The following NVL variants were observed in gnomAD, a reference collection of about 807,000 sequenced individuals.
NVL encodes nuclear valosin-containing protein-like.
NVL carries 84 observed loss-of-function variants against 110.2 expected under a neutral mutation model. The observed-to-expected ratio is 0.76, with a 90% CI of 0.64 to 0.91. The LOEUF (loss-of-function observed/expected upper bound fraction) is 0.91, where lower values mean the gene tolerates loss of function less well. Among genes scored for constraint, NVL ranks in the 40% least tolerant of loss-of-function variants. The pLI is 0.00. For synonymous variants in NVL, 354 were observed against 361.1 expected (o/e 0.98, Z 0.22); for missense variants, 882 against 1,035.9 (o/e 0.85, Z 2.04).
rs775411063 is a variant in NVL, at chr1:224,237,730, C to CTTTTTTTTT, written c.2290-1157_2290-1149dup. Among the ~76,000 whole-genome samples the CTTTTTTTTT allele has an allele frequency of 7.2e-4, 94 of 130,056 alleles. 3 individuals carry two copies. The highest frequency in any genetic ancestry group is 2.2e-3 in the East Asian group (10 of 4,534). 85.3% of individuals were successfully genotyped at this position (130,056 alleles called of 152,430 possible). The stretch of plus-strand genomic sequence containing the variant: ...AACTACATGCCACCATGCCTGGCTA[C>CTTTTTTTTT]TTTTTTTTTTTTTTGAGACAGTCTC... On this transcript the variant is annotated intron_variant, in intron 19 of 22. Transcript: ENST00000281701.
chr1:224,303,296 G>A (rs1395764992), intron 9 of NVL, among the ~76,000 whole-genome samples: 18 of 152,132 alleles, frequency 1.2e-4, no homozygotes, highest in Admixed American at 6.6e-4. Flanking sequence ...TCAGCCGGGC[G>A]TGGTGGCGTA....
intron 15 of NVL, among the ~76,000 whole-genome samples, chr1:224,283,901 T>A (rs557389660): frequency 1.3e-5 from 2 of 152,236 alleles, no homozygotes; most frequent in Non-Finnish European, 2.9e-5. Context: ...ATTAGTAGTA[T>A]AAATAAAAGT....
intron 12 of NVL, among the ~76,000 whole-genome samples, chr1:224,292,854 G>A (rs748585800): frequency 3.3e-5 from 5 of 151,610 alleles, no homozygotes; most frequent in African/African-American, 7.3e-5. Context: ...AGGTTCAAGC[G>A]ATTCCCCTAC....
rs1189605352 is a variant in NVL at position 224,275,355 on chromosome 1, C to T, written c.2066G>A (p.Arg689Gln). ...FFDEVDALCPRRSDRETGASV... is the reference protein window; with the variant it reads ...FFDEVDALCPQRSDRETGASV... ...GATACTTACCTCTCGGTCTGATCTT[C>T]GAGGACATAAAGCATCCACTTCATC... The change falls in exon 17 of 23, where the codon CGA becomes CAA. Residue 689 changes from arginine (R) to glutamine (Q), a missense_variant. This residue lies in a region of NVL where 66 missense variants were observed against 127.5 expected (regional missense o/e 0.52). Coordinates refer to ENST00000281701, the MANE Select transcript of NVL (RefSeq NM_002533.4). 6 of 1,614,014 alleles carry T rather than the reference C, an allele frequency of 3.7e-6. No homozygotes were observed. Among genetic ancestry groups the T allele is most frequent in the African/African-American group, 2.7e-5 (2 of 74,920 alleles).
In NVL at chr1:224,275,386, A is replaced by G. The variant is rs1167706235; in HGVS notation, c.2035T>C (p.Phe679Leu). 3 of 1,614,206 alleles carry G rather than the reference A, an allele frequency of 1.9e-6. No homozygotes were observed. In the African/African-American group the frequency reaches 4.0e-5, roughly 22 times the overall value. ...RAKNSAPCVI[F>L]FDEVDALCPR... ...CATAAAGCATCCACTTCATCAAAGAATATCACACAGGGTGCTGAGTTCTTG... is the reference window on the plus strand; with the variant it reads ...CATAAAGCATCCACTTCATCAAAGAGTATCACACAGGGTGCTGAGTTCTTG... Residue 679 changes from phenylalanine to leucine, a missense_variant, in exon 17 of 23, where the codon TTC becomes CTC. Phe to Leu is a conservative substitution (Grantham distance 22). Coordinates refer to ENST00000281701, the MANE Select transcript of NVL (RefSeq NM_002533.4).
At chr1:224,231,162 A>T in intron 22 of NVL, 64 bp downstream of exon 22, 79 of 939,008 alleles carry the variant, frequency 8.4e-5, no homozygotes, top group Non-Finnish European at 1.1e-4. Flanking sequence ...TTAATTCATG[A>T]GGTCATATCT....
chr1:224,256,648 T>G (rs566614315), intron 18 of NVL, among the ~76,000 whole-genome samples: 4 of 152,302 alleles, frequency 2.6e-5, no homozygotes, highest in South Asian at 4.1e-4. Flanking sequence ...TTCTGGACAC[T>G]TTATATAAAT....
chr1:224,311,746 C>T, intron 5 of NVL, 54 bp downstream of exon 5: 1 of 1,356,316 alleles, frequency 7.4e-7, no homozygotes, highest in Non-Finnish European at 1.1e-6. Flanking sequence ...AGGGAGGTAC[C>T]ATAACAACTA....
intron 17 of NVL, among the ~76,000 whole-genome samples, chr1:224,271,656 T>TTACAAGTATTATACACAAGTATA (rs1274820497): frequency 1.0e-3 from 152 of 152,280 alleles, no homozygotes; most frequent in Admixed American, 3.3e-3. Context: ...TTACTCTCTT[T>TTACAAGTATTATACACAAGTATA]ATACTTGTGT....
intron 18 of NVL, chr1:224,257,110 C>T (rs1663363209): frequency 1.9e-6 from 1 of 529,412 alleles, no homozygotes; most frequent in Non-Finnish European, 3.9e-6. Flanking sequence ...GCCTAAGAGA[C>T]AGAATTCTTA....
intron 16 of NVL, among the ~76,000 whole-genome samples, chr1:224,275,681 C>T (rs566996932): frequency 7.9e-5 from 12 of 152,264 alleles, no homozygotes; most frequent in African/African-American, 2.6e-4. Flanking sequence ...TTTAAGCCTA[C>T]TATAAATTTC....
intron 18 of NVL, among the ~76,000 whole-genome samples, chr1:224,257,998 G>A (rs962494191): frequency 6.6e-6 from 1 of 152,138 alleles, no homozygotes; most frequent in African/African-American, 2.4e-5. Flanking sequence ...GTTAGGCAAT[G>A]ATTTTTACAC....
At chr1:224,245,154 T>G (rs1349047552) in intron 19 of NVL, among the ~76,000 whole-genome samples, 1 of 152,194 alleles carries the variant, frequency 6.6e-6, no homozygotes, top group South Asian at 2.1e-4. Context: ...TAAAACAATC[T>G]GAGGAATTAA....
At chr1:224,301,120 A>G (rs1258338268) in intron 9 of NVL, among the ~76,000 whole-genome samples, 2 of 151,976 alleles carry the variant, frequency 1.3e-5, no homozygotes, top group East Asian at 1.9e-4. Flanking sequence ...AAAAAAAAAA[A>G]TCAACGGTTT....
intron 2 of NVL, among the ~76,000 whole-genome samples, chr1:224,325,607 C>T (rs1479922284): frequency 6.6e-6 from 1 of 152,058 alleles, no homozygotes; most frequent in Non-Finnish European, 1.5e-5. Context: ...GTGGCACATG[C>T]CTGTAATTCC....
At chr1:224,264,283 G>A (rs146088112) in intron 18 of NVL, among the ~76,000 whole-genome samples, 248 of 149,480 alleles carry the variant, frequency 1.7e-3, no homozygotes, top group African/African-American at 5.5e-3. Context: ...TCACTCTGTC[G>A]CCCAGGCTGG....
At chr1:224,294,130 T>C (rs1222394756) in intron 12 of NVL, 137 bp downstream of exon 12, 2 of 973,812 alleles carry the variant, frequency 2.1e-6, no homozygotes. Context: ...GGGCTTCTCC[T>C]TTTCCAAATC....
At chr1:224,289,242 C>T in intron 13 of NVL, 1 of 452,850 alleles carries the variant, frequency 2.2e-6, no homozygotes. Flanking sequence ...CCACAGTCTG[C>T]CAACCCCATT....
intron 1 of NVL, among the ~76,000 whole-genome samples, chr1:224,328,392 C>T (rs1671351556): frequency 6.6e-6 from 1 of 150,896 alleles, no homozygotes; most frequent in Non-Finnish European, 1.5e-5. Flanking sequence ...TGATGGCATG[C>T]ACTTGTAATC....
Sources: allele counts gnomAD v4.1 joint callset (sites outside exome capture counted in the v4.1 genomes callset), GRCh38; gene constraint gnomAD v4.1.1; regional missense constraint gnomAD v4.1.1; transcripts MANE v1.5; gene names NCBI Gene and HGNC (gene_info 2026-07-23, HGNC 2026-07-21).